Variants in ASIC2 observed in about 807,000 individuals in gnomAD.
The protein encoded by ASIC2 is acid sensing ion channel subunit 2.
Under a neutral mutation model 57.3 loss-of-function variants are expected in ASIC2, and 25 were observed. That is an observed-to-expected ratio of 0.44 (90% CI 0.32 to 0.61). The LOEUF (loss-of-function observed/expected upper bound fraction) is 0.61. ASIC2 is among the 20% of genes least tolerant of loss of function. The probability of loss-of-function intolerance (pLI) is 0.06; values close to 1 mark genes in which losing one functional copy is unlikely to be tolerated. For synonymous variants in ASIC2, 319 were observed against 307.5 expected (o/e 1.04, Z -0.39); for missense variants, 641 against 738.1 (o/e 0.87, Z 1.52).
At chr17:33,521,010 T>C (rs1472115994) in intron 1 of ASIC2, among the ~76,000 whole-genome samples, 1 of 152,098 alleles carries the variant, frequency 6.6e-6, no homozygotes, top group Non-Finnish European at 1.5e-5. Flanking sequence ...CATTGCTGGC[T>C]TATGGCAGCC....
At chr17:33,438,743 G>A (rs955038443) in intron 1 of ASIC2, among the ~76,000 whole-genome samples, 7 of 151,706 alleles carry the variant, frequency 4.6e-5, no homozygotes, top group South Asian at 4.1e-4. Context: ...CTCCTTTGTC[G>A]TTAGAGAGCA....
intron 1 of ASIC2, among the ~76,000 whole-genome samples, chr17:33,509,257 A>G (rs1914358624): frequency 6.6e-6 from 1 of 152,170 alleles, no homozygotes; most frequent in South Asian, 2.1e-4. Context: ...CATGTAGGTA[A>G]TGGGGACCAT....
intron 1 of ASIC2, among the ~76,000 whole-genome samples, chr17:33,955,970 G>T (rs1037756479): frequency 1.3e-5 from 2 of 152,044 alleles, no homozygotes; most frequent in Admixed American, 1.3e-4. Context: ...CCTATCTCTT[G>T]AGTGGCCATT....
chr17:33,509,441 C>T (rs1914363473), intron 1 of ASIC2, among the ~76,000 whole-genome samples: 1 of 152,206 alleles, frequency 6.6e-6, no homozygotes, highest in South Asian at 2.1e-4. Context: ...GGCTCATCTG[C>T]CGCAATCCCA....
At chr17:33,140,543 A>G (rs1395771000) in intron 1 of ASIC2, among the ~76,000 whole-genome samples, 5 of 152,332 alleles carry the variant, frequency 3.3e-5, no homozygotes, top group African/African-American at 1.2e-4. Flanking sequence ...ATATATATAC[A>G]TAAAGTAGCT....
intron 1 of ASIC2, among the ~76,000 whole-genome samples, chr17:34,026,784 T>G (rs535398135): frequency 6.6e-6 from 1 of 152,328 alleles, no homozygotes; most frequent in African/African-American, 2.4e-5. Flanking sequence ...CAGAGAGGGA[T>G]AGTGACCTAT....
In ASIC2 at chr17:34,127,586, G is replaced by A. The variant is rs7225966; in HGVS notation, c.555+28392C>T. On this transcript the variant is annotated intron_variant, in intron 1 of 9. Transcript: ENST00000359872. ...CTACGTATAGGTAGCAGAATCGAGA[G>A]GGAAGGCATGGAGTGCAGGGACCCC... Among the ~76,000 whole-genome samples, 603 of 152,272 alleles carry A rather than the reference G, an allele frequency of 4.0e-3. 6 individuals carry two copies. Among genetic ancestry groups the A allele is most frequent in the African/African-American group, 0.013 (555 of 41,558 alleles).
chr17:33,625,742 C>T (rs1327066690), intron 1 of ASIC2, among the ~76,000 whole-genome samples: 1 of 152,188 alleles, frequency 6.6e-6, no homozygotes, highest in Non-Finnish European at 1.5e-5. Context: ...ATAAAATTGA[C>T]AAATCTGCCA....
chr17:33,491,177 C>A (rs1380447633), intron 1 of ASIC2, among the ~76,000 whole-genome samples: 1 of 152,228 alleles, frequency 6.6e-6, no homozygotes, highest in Non-Finnish European at 1.5e-5. Flanking sequence ...GCAATTCCCA[C>A]ACCCACAGGA....
At chr17:33,644,420 A>G (rs995378674) in intron 1 of ASIC2, among the ~76,000 whole-genome samples, 7 of 152,038 alleles carry the variant, frequency 4.6e-5, no homozygotes, top group African/African-American at 7.2e-5. Flanking sequence ...CTAGATGTTC[A>G]TTGTGGTTTC....
intron 1 of ASIC2, among the ~76,000 whole-genome samples, chr17:34,042,084 A>G (rs1436630583): frequency 3.3e-5 from 5 of 152,224 alleles, no homozygotes; most frequent in Non-Finnish European, 7.3e-5. Flanking sequence ...CAAGCTTTTG[A>G]TAAGTATGTA....
At chr17:33,130,142 C>T (rs188858373) in intron 1 of ASIC2, among the ~76,000 whole-genome samples, 380 of 152,246 alleles carry the variant, frequency 2.5e-3, no homozygotes, top group Middle Eastern at 0.024. Flanking sequence ...CTGGTGCCTT[C>T]TCTACTGAGG....
intron 1 of ASIC2, among the ~76,000 whole-genome samples, chr17:33,370,332 C>T (rs1360514327): frequency 6.6e-6 from 1 of 152,234 alleles, no homozygotes; most frequent in Non-Finnish European, 1.5e-5. Context: ...AATGGGCAAC[C>T]TCGCAGTACT....
intron 1 of ASIC2, among the ~76,000 whole-genome samples, chr17:33,986,564 A>G (rs1905825859): frequency 6.6e-6 from 1 of 152,078 alleles, no homozygotes; most frequent in Non-Finnish European, 1.5e-5. Flanking sequence ...TAAGTTTATT[A>G]CCCACAGTAT....
chr17:33,447,132 T>C (rs756289677), intron 1 of ASIC2, among the ~76,000 whole-genome samples: 12 of 152,200 alleles, frequency 7.9e-5, no homozygotes, highest in Admixed American at 1.3e-4. Flanking sequence ...CTGCCTGCCT[T>C]CGTGAGTTTA....
At chr17:33,185,607 G>A (rs1906162023) in intron 1 of ASIC2, among the ~76,000 whole-genome samples, 1 of 152,028 alleles carries the variant, frequency 6.6e-6, no homozygotes, top group South Asian at 2.1e-4. Flanking sequence ...AGGTGACAGA[G>A]TAAAAAATTC....
chr17:33,898,220 CTTTTTTTTTTTTTTTTTTT>C (rs771624171), intron 1 of ASIC2, among the ~76,000 whole-genome samples: 2 of 66,188 alleles, frequency 3.0e-5, no homozygotes, highest in South Asian at 6.9e-4. Flanking sequence ...CATGTATAAT[CTTTTTTTTTTTTTTTTTTT>C]TTTTTTTTTT....
intron 1 of ASIC2, among the ~76,000 whole-genome samples, chr17:33,817,852 C>T (rs1331480993): frequency 2.0e-5 from 3 of 152,178 alleles, no homozygotes; most frequent in Non-Finnish European, 2.9e-5. Context: ...TAGAGTTCTC[C>T]AATGCCTTGT....
intron 7 of ASIC2, among the ~76,000 whole-genome samples, chr17:33,019,558 G>A (rs752803220): frequency 5.3e-5 from 8 of 151,984 alleles, no homozygotes; most frequent in Non-Finnish European, 4.4e-5. Context: ...TAGCGTGCAC[G>A]TGCATGGACA....
Sources: allele counts gnomAD v4.1 joint callset (sites outside exome capture counted in the v4.1 genomes callset), GRCh38; gene constraint gnomAD v4.1.1; transcripts MANE v1.5; gene names NCBI Gene and HGNC (gene_info 2026-07-23, HGNC 2026-07-21).